The following GNAL variants were observed in gnomAD, a reference collection of about 807,000 sequenced individuals.
GNAL encodes the protein G protein subunit alpha L.
In GNAL, 18 loss-of-function variants were observed where a neutral mutation model predicts 55.1. The ratio of observed to expected loss-of-function variants is 0.33; its 90% CI spans 0.23 to 0.48. The LOEUF (loss-of-function observed/expected upper bound fraction) is 0.48. GNAL is among the 20% of genes least tolerant of loss of function. The pLI is 0.99. For missense variants in GNAL, 412 were observed against 614.1 expected (o/e 0.67, Z 3.48); for synonymous variants, 253 against 237.0 (o/e 1.07, Z -0.62).
intron 1 of GNAL, among the ~76,000 whole-genome samples, chr18:11,699,561 G>C (rs113656826): frequency 6.6e-5 from 10 of 151,352 alleles, no homozygotes; most frequent in East Asian, 3.9e-4. Context: ...TTTTTTGAGG[G>C]GGGGGGTTGG....
chr18:11,756,574 T>C (rs1488815679), intron 4 of GNAL, among the ~76,000 whole-genome samples: 3 of 151,898 alleles, frequency 2.0e-5, no homozygotes, highest in African/African-American at 7.2e-5. Context: ...TTATGACTTA[T>C]ATAAATCAGG....
chr18:11,808,501 A>G (rs991872570), intron 4 of GNAL, among the ~76,000 whole-genome samples: 2 of 152,228 alleles, frequency 1.3e-5, no homozygotes, highest in Non-Finnish European at 2.9e-5. Context: ...ACCCACCTGG[A>G]TAGGATAAAT....
At chr18:11,720,108 T>TA (rs1486706645) in intron 1 of GNAL, among the ~76,000 whole-genome samples, 1 of 152,190 alleles carries the variant, frequency 6.6e-6, no homozygotes, top group African/African-American at 2.4e-5. Context: ...ACATGATGCT[T>TA]ATCAGGCTAG....
chr18:11,885,620 T>C lies in GNAL; in HGVS notation c.*4485T>C, dbSNP rs1368259998. The C allele has an allele frequency of 5.1e-6, 8 of 1,571,430 alleles. No individual in the cohort carries two copies. Among genetic ancestry groups the C allele is most frequent in the Non-Finnish European group, 7.0e-6 (8 of 1,151,046 alleles). ...TTGCAGCAATTAAATAGTTGATTAC[T>C]GTGTTGATTTAAATACTTATGAAAG... On this transcript the variant is annotated 3_prime_UTR_variant, in exon 12 of 12. Coordinates refer to ENST00000334049, the MANE Select transcript of GNAL (RefSeq NM_182978.4).
rs368428414 is a variant in GNAL at position 11,876,245 on chromosome 18, A to G, written c.1163-376A>G. On this transcript the variant is annotated intron_variant, in intron 10 of 11. Transcript: ENST00000334049. Reference sequence around the variant, plus strand: ...TGTAATCCCAGCACTTTGGGAGGCCAAGGTGGCCCTGAAGTCAGGAGTCTG... The same window carrying G: ...TGTAATCCCAGCACTTTGGGAGGCCGAGGTGGCCCTGAAGTCAGGAGTCTG... 4.6e-5 allele frequency among the ~76,000 whole-genome samples: 7 copies of G among 152,344 alleles called. No homozygotes were observed. The East Asian group carries it at 1.3e-3, about 29-fold the overall frequency.
chr18:11,689,531 T>G lies in GNAL; in HGVS notation c.-33T>G. On this transcript the variant is annotated 5_prime_UTR_variant, in exon 1 of 12. Coordinates refer to ENST00000334049, the MANE Select transcript of GNAL (RefSeq NM_182978.4). ...GCCCTCGGCGCCCAGCCTGCCCTAG[T>G]CCCGCGCGCCGCCCCCGCTGTGCCG... 1 of 1,108,776 alleles carries G rather than the reference T, an allele frequency of 9.0e-7. No homozygotes were observed. The highest frequency in any genetic ancestry group is 1.1e-6 in the Non-Finnish European group (1 of 872,722). The allele number at this position is 1,108,776 out of a possible 1,614,324, so 68.7% of individuals were successfully genotyped here.
Position 11,689,580 on chromosome 18 carries a change from G to T in GNAL, c.17G>T (p.Ser6Ile). 1 of 1,332,260 alleles carries T rather than the reference G, an allele frequency of 7.5e-7. No homozygotes were observed. The allele number at this position is 1,332,260 out of a possible 1,614,324, so 82.5% of individuals were successfully genotyped here. The change falls in exon 1 of 12, where the codon AGT becomes ATT. Residue 6 changes from serine to isoleucine, a missense_variant. Transcript: ENST00000334049. MGLCYSLRPLLFGGPG... is the reference protein window; with the variant it reads MGLCYILRPLLFGGPG... ...CGCGCCCACATGGGTCTGTGCTACA[G>T]TCTGCGGCCGCTGCTTTTCGGGGGC...
chr18:11,762,584 T>C (rs950852252), intron 4 of GNAL, among the ~76,000 whole-genome samples: 3 of 152,078 alleles, frequency 2.0e-5, no homozygotes, highest in African/African-American at 7.2e-5. Flanking sequence ...CAGGTGGACA[T>C]AGAGAGGACA....
At chr18:11,859,695 C>CA (rs2036086910) in intron 5 of GNAL, among the ~76,000 whole-genome samples, 1 of 152,120 alleles carries the variant, frequency 6.6e-6, no homozygotes, top group Admixed American at 6.5e-5. Context: ...TTTGGCCTCT[C>CA]AATAGCCCTG....
chr18:11,856,304 G>GC (rs1257897766), intron 5 of GNAL, among the ~76,000 whole-genome samples: 1 of 151,384 alleles, frequency 6.6e-6, no homozygotes, highest in Non-Finnish European at 1.5e-5. Flanking sequence ...TCCATAGGGA[G>GC]CCCGGGCCAG....
intron 4 of GNAL, among the ~76,000 whole-genome samples, chr18:11,758,957 G>A (rs964282678): frequency 6.6e-6 from 1 of 152,208 alleles, no homozygotes; most frequent in Non-Finnish European, 1.5e-5. Context: ...TCAATCACCT[G>A]AGGTCAGGAG....
rs1211037245 is a variant in GNAL at position 11,689,654 on chromosome 18, C to G, written c.91C>G (p.Gln31Glu). 3 of 1,396,848 alleles carry G rather than the reference C, an allele frequency of 2.1e-6. No individual in the cohort carries two copies. Among genetic ancestry groups the G allele is most frequent in the East Asian group, 6.1e-5 (2 of 32,604 alleles). The allele number at this position is 1,396,848 out of a possible 1,614,324, so 86.5% of individuals were successfully genotyped here. The change falls in exon 1 of 12, where the codon CAG becomes GAG. Residue 31 changes from glutamine (Q) to glutamate (E), a missense_variant. By Grantham distance (29) the Gln-to-Glu change is conservative. Transcript: ENST00000334049. ...CTCGGAGCCGCCGGTGGAGGACGCG[C>G]AGCCCGCCCCGGCCCCGGCCCTGGC... is the stretch of plus-strand genomic sequence containing the variant. ...AASEPPVEDA[Q>E]PAPAPALAPV...
intron 5 of GNAL, among the ~76,000 whole-genome samples, chr18:11,826,946 G>T: frequency 6.6e-6 from 1 of 152,164 alleles, no homozygotes; most frequent in East Asian, 1.9e-4. Context: ...AGAGGCAAGG[G>T]CTCTGGGCCT....
intron 11 of GNAL, among the ~76,000 whole-genome samples, chr18:11,878,961 T>G (rs1271548541): frequency 8.9e-6 from 1 of 112,248 alleles, no homozygotes; most frequent in African/African-American, 3.5e-5. Context: ...ATATAACTGG[T>G]TGGAGGAGTG....
intron 4 of GNAL, among the ~76,000 whole-genome samples, chr18:11,796,583 AAAAAAAAAAAAAC>A (rs1386648570): frequency 6.7e-6 from 1 of 148,910 alleles, no homozygotes; most frequent in Non-Finnish European, 1.5e-5. Flanking sequence ...CACAAAAAAA[AAAAAAAAAAAAAC>A]AAAACACGCA....
intron 1 of GNAL, among the ~76,000 whole-genome samples, chr18:11,692,717 G>A (rs1367763518): frequency 6.6e-6 from 1 of 151,036 alleles, no homozygotes; most frequent in Non-Finnish European, 1.5e-5. Context: ...AGGAGTTCAA[G>A]ACCAGCCTGG....
intron 5 of GNAL, among the ~76,000 whole-genome samples, chr18:11,837,587 G>T (rs1424481191): frequency 6.6e-6 from 1 of 152,160 alleles, no homozygotes; most frequent in Non-Finnish European, 1.5e-5. Flanking sequence ...TAACCCTAGG[G>T]TGGCTGTGCC....
chr18:11,692,242 T>C (rs946170119), intron 1 of GNAL, among the ~76,000 whole-genome samples: 5 of 152,128 alleles, frequency 3.3e-5, no homozygotes, highest in South Asian at 2.1e-4. Context: ...ACAATAAATA[T>C]TGAGTTTGAG....
At chr18:11,812,739 G>T (rs1165576663) in intron 4 of GNAL, among the ~76,000 whole-genome samples, 2 of 152,050 alleles carry the variant, frequency 1.3e-5, no homozygotes, top group African/African-American at 2.4e-5. Context: ...AGCTACTCGG[G>T]AGGCTGAGGC....
Sources: allele counts gnomAD v4.1 joint callset (sites outside exome capture counted in the v4.1 genomes callset), GRCh38; gene constraint gnomAD v4.1.1; transcripts MANE v1.5; gene names NCBI Gene and HGNC (gene_info 2026-07-23, HGNC 2026-07-21).